Variants in ADGRF4 observed in about 807,000 individuals in gnomAD.
ADGRF4 encodes the protein G-protein coupled receptor PGR18.
A neutral mutation model predicts 58.5 loss-of-function variants in ADGRF4; 63 were observed. The observed-to-expected ratio is 1.08, with a 90% CI of 0.88 to 1.33. The LOEUF (loss-of-function observed/expected upper bound fraction) is 1.33, where lower values mean the gene tolerates loss of function less well. Among genes scored for constraint, ADGRF4 ranks in the 40% most tolerant of loss-of-function variants. The pLI is 0.00. For missense variants in ADGRF4, 931 were observed against 843.9 expected (o/e 1.10, Z -1.28); for synonymous variants, 313 against 295.4 (o/e 1.06, Z -0.61).
At chr6:47,718,029 A>T (rs1772067566) in intron 8 of ADGRF4, among the ~76,000 whole-genome samples, 4 of 152,218 alleles carry the variant, frequency 2.6e-5, no homozygotes, top group Admixed American at 2.6e-4. Flanking sequence ...TACATTGATA[A>T]CTACCATTTA....
Position 47,717,357 on chromosome 6 carries a change from C to G in ADGRF4, c.2034+6C>G. 1 of 1,600,630 alleles carries G rather than the reference C, an allele frequency of 6.2e-7. No individual in the cohort carries two copies. The highest frequency in any genetic ancestry group is 1.1e-5 in the South Asian group (1 of 90,838). On this transcript the variant is annotated splice_donor_region_variant and intron_variant, in intron 8 of 9. Transcript: ENST00000283303. ...GGAAATCGAGGGCAGCTGAGGTAAG[C>G]CTTCCCCTTTTAGTCTCAGCCCTGG...
At chr6:47,710,328 A>G (rs1289682612) in intron 3 of ADGRF4, among the ~76,000 whole-genome samples, 1 of 152,206 alleles carries the variant, frequency 6.6e-6, no homozygotes, top group Non-Finnish European at 1.5e-5. Context: ...TCCTTTACAT[A>G]AAAGTTTATG....
intron 9 of ADGRF4, 88 bp downstream of exon 9, chr6:47,718,533 G>C (rs992762369): frequency 1.3e-6 from 1 of 792,410 alleles, no homozygotes; most frequent in Non-Finnish European, 2.3e-6. Flanking sequence ...TGCCTGCTAC[G>C]TGCTGCCAGA....
chr6:47,699,938 C>A (rs952727724), intron 1 of ADGRF4, among the ~76,000 whole-genome samples: 3 of 151,484 alleles, frequency 2.0e-5, no homozygotes, highest in East Asian at 1.9e-4. Flanking sequence ...GACACACCCC[C>A]CCCCCCAAAA....
In ADGRF4 at chr6:47,707,220, T is replaced by A. The variant is rs1420316245; in HGVS notation, c.-16-10T>A. On this transcript the variant is annotated splice_polypyrimidine_tract_variant and intron_variant, in intron 1 of 9. Coordinates refer to ENST00000283303, the MANE Select transcript of ADGRF4 (RefSeq NM_153838.5). ...CCTTCAGGTGGGTATGCCTTCTTTC[T>A]CTATTGCAGGTGAAGATCCTCATGT... 6.8e-7 allele frequency: 1 copy of A among 1,480,516 alleles called. No individual in the cohort carries two copies. Among genetic ancestry groups the A allele is most frequent in the Non-Finnish European group, 9.4e-7 (1 of 1,058,258 alleles). 91.7% of individuals were successfully genotyped at this position (1,480,516 alleles called of 1,614,324 possible). A position where few individuals can be genotyped will look rare whatever the true frequency, so the allele number is the denominator to read the frequency against.
At chr6:47,703,879 A>T (rs1424828640) in intron 1 of ADGRF4, among the ~76,000 whole-genome samples, 1 of 152,212 alleles carries the variant, frequency 6.6e-6, no homozygotes. Flanking sequence ...AGCTGTGTGC[A>T]GCTGGAGGCC....
At chr6:47,704,193 A>G (rs1254323430) in intron 1 of ADGRF4, among the ~76,000 whole-genome samples, 1 of 151,848 alleles carries the variant, frequency 6.6e-6, no homozygotes, top group East Asian at 1.9e-4. Flanking sequence ...ACAGATGCCC[A>G]CCACCATGCC....
chr6:47,712,692 A>G, intron 5 of ADGRF4, 84 bp downstream of exon 5: 1 of 962,500 alleles, frequency 1.0e-6, no homozygotes, highest in Non-Finnish European at 1.6e-6. Flanking sequence ...CAGGGCAAAA[A>G]CTACAGTGAC....
At chr6:47,711,673 T>A (rs1033498511) in intron 4 of ADGRF4, among the ~76,000 whole-genome samples, 1 of 152,174 alleles carries the variant, frequency 6.6e-6, no homozygotes, top group African/African-American at 2.4e-5. Flanking sequence ...AAAGTTAAAA[T>A]CTCTTTTATA....
chr6:47,701,768 A>T (rs1392823157), intron 1 of ADGRF4, among the ~76,000 whole-genome samples: 1 of 152,202 alleles, frequency 6.6e-6, no homozygotes, highest in Non-Finnish European at 1.5e-5. Context: ...GTTTTCCTCC[A>T]AGATAACATA....
At position 47,714,341 on chromosome 6, in the gene ADGRF4, A is replaced by G; in HGVS notation, c.1096A>G (p.Met366Val). The G allele has an allele frequency of 1.2e-6, 2 of 1,614,190 alleles. No homozygotes were observed. The highest frequency in any genetic ancestry group is 1.7e-6 in the Non-Finnish European group (2 of 1,180,024). The change falls in exon 6 of 10, where the codon ATG becomes GTG. Residue 366 changes from methionine (M) to valine (V), a missense_variant. By Grantham distance (21) the Met-to-Val change is conservative. Transcript: ENST00000283303. ...KRRWDEKACQ[M>V]MLDIRNEVKC... Reference sequence around the variant, plus strand: ...GAGATGGGATGAGAAAGCGTGCCAAATGATGTTGGATATCAGGAACGAAGT... The same window carrying G: ...GAGATGGGATGAGAAAGCGTGCCAAGTGATGTTGGATATCAGGAACGAAGT...
In ADGRF4 at chr6:47,716,908, A is replaced by G. The variant is rs892200283; in HGVS notation, c.1974+61A>G. On this transcript the variant is annotated intron_variant, in intron 7 of 9. Transcript: ENST00000283303. ...TCATGTGGCTGGGGGAAGCAGGAGG[A>G]TGAAGCAGTTTTGATTGGAGAGCAT... The G allele has an allele frequency of 1.2e-5, 14 of 1,215,022 alleles. No individual in the cohort carries two copies. In the African/African-American group the frequency reaches 2.1e-4, roughly 18 times the overall value. 75.3% of individuals were successfully genotyped at this position (1,215,022 alleles called of 1,614,324 possible). A position where few individuals can be genotyped will look rare whatever the true frequency, so the allele number is the denominator to read the frequency against.
chr6:47,717,259 G>T (rs779534687), intron 7 of ADGRF4, 33 bp from the exon 8 acceptor site: 3 of 1,479,348 alleles, frequency 2.0e-6, no homozygotes, highest in Non-Finnish European at 1.9e-6. Context: ...TCCAACATCT[G>T]TGAGGTACTT....
chr6:47,703,694 T>G (rs1421955111), intron 1 of ADGRF4, among the ~76,000 whole-genome samples: 1 of 152,212 alleles, frequency 6.6e-6, no homozygotes, highest in African/African-American at 2.4e-5. Flanking sequence ...TAGTTCAAAT[T>G]CATGTATTTT....
chr6:47,718,354 C>T (rs1772079951), intron 8 of ADGRF4, 35 bp from the exon 9 acceptor site: 1 of 1,100,672 alleles, frequency 9.1e-7, no homozygotes, highest in Non-Finnish European at 1.4e-6. Context: ...AATATAATTA[C>T]TCATTACCAC....
intron 1 of ADGRF4, among the ~76,000 whole-genome samples, chr6:47,706,686 A>T (rs150885098): frequency 7.7e-4 from 118 of 152,340 alleles, no homozygotes; most frequent in African/African-American, 2.3e-3. Flanking sequence ...TCACAGAGAT[A>T]TCCTGTTACA....
chr6:47,719,343 T>A (rs1187878052), intron 9 of ADGRF4, among the ~76,000 whole-genome samples: 1 of 152,006 alleles, frequency 6.6e-6, no homozygotes, highest in Non-Finnish European at 1.5e-5. Context: ...GTCATATACA[T>A]GGAGTGGCAT....
intron 1 of ADGRF4, among the ~76,000 whole-genome samples, chr6:47,704,529 C>T (rs889578233): frequency 5.9e-5 from 9 of 152,064 alleles, no homozygotes; most frequent in Admixed American, 5.2e-4. Flanking sequence ...ATTGTGAAGG[C>T]TAGCAAAGAG....
intron 6 of ADGRF4, among the ~76,000 whole-genome samples, chr6:47,715,838 A>G (rs1441911982): frequency 6.6e-6 from 1 of 152,226 alleles, no homozygotes; most frequent in Non-Finnish European, 1.5e-5. Flanking sequence ...GTTTAAAAGC[A>G]TGATACAAAA....
Sources: allele counts gnomAD v4.1 joint callset (sites outside exome capture counted in the v4.1 genomes callset), GRCh38; gene constraint gnomAD v4.1.1; transcripts MANE v1.5; gene names NCBI Gene and HGNC (gene_info 2026-07-23, HGNC 2026-07-21).